PPA2: variants seen among roughly 807,000 people sequenced by gnomAD.
The protein encoded by PPA2 is inorganic pyrophosphatase 2.
In PPA2, 48 loss-of-function variants were observed where a neutral mutation model predicts 49.5. The ratio of observed to expected loss-of-function variants is 0.97; its 90% CI spans 0.77 to 1.23. The LOEUF is 1.23. Among genes scored for constraint, PPA2 ranks in the 50% most tolerant of loss-of-function variants. PPA2 has a pLI of 0.00. For missense variants in PPA2, 429 were observed against 410.1 expected (o/e 1.05, Z -0.40); for synonymous variants, 131 against 139.9 (o/e 0.94, Z 0.45).
rs200106526 is a variant in PPA2 at position 105,379,455 on chromosome 4, AGATAGATAGAT to A, written c.939+7101_939+7111del. Among the ~76,000 whole-genome samples, 494 of 103,210 alleles carry A rather than the reference AGATAGATAGAT, an allele frequency of 4.8e-3. 4 individuals carry two copies. Among genetic ancestry groups the A allele is most frequent in the East Asian group, 0.025 (67 of 2,700 alleles). 67.7% of individuals were successfully genotyped at this position (103,210 alleles called of 152,430 possible). ...TAGATAGATAGATAGATAGATAGAT[AGATAGATAGAT>A]ATCTCAAGCAACTATTTTTATATAC... is the stretch of plus-strand genomic sequence containing the variant. On this transcript the variant is annotated intron_variant, in intron 10 of 11. Transcript: ENST00000341695.
chr4:105,414,375 C>A (rs1241858337), intron 7 of PPA2, among the ~76,000 whole-genome samples: 1 of 152,196 alleles, frequency 6.6e-6, no homozygotes, highest in Non-Finnish European at 1.5e-5. Flanking sequence ...GAGTTTTGCT[C>A]GGCCCGCTGG....
chr4:105,408,302 T>C (rs1722580965), intron 7 of PPA2, among the ~76,000 whole-genome samples: 2 of 152,192 alleles, frequency 1.3e-5, no homozygotes, highest in African/African-American at 4.8e-5. Flanking sequence ...GCTCAGTGTG[T>C]TAAGAACTTT....
rs141541844 is a variant in PPA2 at position 105,377,407 on chromosome 4, A to G, written c.940-6534T>C. Among the ~76,000 whole-genome samples, 464 of 152,312 alleles carry G rather than the reference A, an allele frequency of 3.0e-3. 6 individuals are homozygous for G. The highest frequency in any genetic ancestry group is 0.011 in the African/African-American group (446 of 41,580). ...CACAACAGCCTGATAAGATACTATT[A>G]TTATAAGCCCCATTTTATAAATAAG... On this transcript the variant is annotated intron_variant, in intron 10 of 11. Coordinates refer to ENST00000341695, the MANE Select transcript of PPA2 (RefSeq NM_176869.3).
chr4:105,395,868 T>C (rs182487798), intron 9 of PPA2, among the ~76,000 whole-genome samples: 21 of 152,314 alleles, frequency 1.4e-4, no homozygotes, highest in Admixed American at 1.4e-3. Context: ...GTTACTTAAT[T>C]CCTCTTAATC....
intron 10 of PPA2, among the ~76,000 whole-genome samples, chr4:105,384,756 C>T (rs1158404126): frequency 6.6e-6 from 1 of 152,186 alleles, no homozygotes; most frequent in African/African-American, 2.4e-5. Flanking sequence ...TTATGGCCTA[C>T]AGCCCATTCT....
intron 9 of PPA2, among the ~76,000 whole-genome samples, chr4:105,393,107 T>A (rs1327012668): frequency 6.6e-6 from 1 of 152,090 alleles, no homozygotes; most frequent in South Asian, 2.1e-4. Flanking sequence ...TAACATGAAA[T>A]AGGAGACAAG....
intron 9 of PPA2, 55 bp from the exon 10 acceptor site, chr4:105,386,691 A>G: frequency 1.4e-6 from 2 of 1,468,330 alleles, no homozygotes; most frequent in Non-Finnish European, 9.4e-7. Flanking sequence ...AACAATTACC[A>G]AAAAAACCCC....
intron 7 of PPA2, among the ~76,000 whole-genome samples, chr4:105,408,702 T>C (rs929021622): frequency 1.1e-4 from 17 of 152,224 alleles, no homozygotes; most frequent in Non-Finnish European, 2.2e-4. Flanking sequence ...AATGGCAAAA[T>C]TCCAAGTACA....
intron 7 of PPA2, among the ~76,000 whole-genome samples, chr4:105,403,729 C>T (rs1316287351): frequency 6.6e-6 from 1 of 152,100 alleles, no homozygotes; most frequent in Non-Finnish European, 1.5e-5. Context: ...TGAAAACCTA[C>T]CATTTTATCT....
intron 1 of PPA2, among the ~76,000 whole-genome samples, chr4:105,472,414 A>G (rs1723559399): frequency 6.6e-6 from 1 of 152,244 alleles, no homozygotes; most frequent in African/African-American, 2.4e-5. Flanking sequence ...TGTCTAGCAC[A>G]CTTCATAAAT....
At chr4:105,469,676 T>A (rs1723443671) in intron 1 of PPA2, among the ~76,000 whole-genome samples, 1 of 152,246 alleles carries the variant, frequency 6.6e-6, no homozygotes, top group African/African-American at 2.4e-5. Flanking sequence ...ACACAATTCC[T>A]ATTTCACAGC....
chr4:105,413,690 T>C (rs1722868017), intron 7 of PPA2, among the ~76,000 whole-genome samples: 1 of 152,148 alleles, frequency 6.6e-6, no homozygotes, highest in Admixed American at 6.5e-5. Flanking sequence ...AGAAAATGAC[T>C]TTTTCTGTTC....
chr4:105,438,411 G>A (rs1345828962), intron 5 of PPA2, among the ~76,000 whole-genome samples: 2 of 152,142 alleles, frequency 1.3e-5, no homozygotes, highest in Non-Finnish European at 2.9e-5. Flanking sequence ...TGTGGCTTCC[G>A]TCATTCACCG....
At chr4:105,449,810 C>T (rs1297773600) in intron 3 of PPA2, among the ~76,000 whole-genome samples, 1 of 152,134 alleles carries the variant, frequency 6.6e-6, no homozygotes, top group African/African-American at 2.4e-5. Flanking sequence ...TCCCACTCAC[C>T]ACATGAGGTT....
intron 9 of PPA2, 146 bp downstream of exon 9, chr4:105,396,103 C>G (rs1375954931): frequency 4.4e-6 from 2 of 457,200 alleles, no homozygotes; most frequent in African/African-American, 4.0e-5. Context: ...TTAATAGTGC[C>G]CAACACTTAG....
intron 7 of PPA2, among the ~76,000 whole-genome samples, chr4:105,420,563 G>C (rs1001966484): frequency 6.6e-6 from 1 of 152,080 alleles, no homozygotes; most frequent in African/African-American, 2.4e-5. Flanking sequence ...AATTTCTCTC[G>C]TTTATCTGAC....
chr4:105,378,574 C>A (rs995446061), intron 10 of PPA2, among the ~76,000 whole-genome samples: 1 of 151,830 alleles, frequency 6.6e-6, no homozygotes, highest in African/African-American at 2.4e-5. Flanking sequence ...TTTTGTAGAA[C>A]AAAAATTTTT....
Position 105,384,579 on chromosome 4 carries a change from T to G in PPA2, c.939+1988A>C, listed in dbSNP as rs546567985. 3.3e-5 allele frequency among the ~76,000 whole-genome samples: 5 copies of G among 152,320 alleles called. No homozygotes were observed. The South Asian group carries it at 8.3e-4, about 25-fold the overall frequency. On this transcript the variant is annotated intron_variant, in intron 10 of 11. Coordinates refer to ENST00000341695, the MANE Select transcript of PPA2 (RefSeq NM_176869.3). ...TTAATCTGAGATTAGTGAGACAGAC[T>G]GCTTGTACAAAGATGAAAAGTTTTT...
chr4:105,450,852 C>G (rs536809277), intron 3 of PPA2, among the ~76,000 whole-genome samples: 12 of 152,210 alleles, frequency 7.9e-5, no homozygotes, highest in African/African-American at 2.9e-4. Flanking sequence ...CGTGATCCGC[C>G]CACCTCGGCC....
Sources: allele counts gnomAD v4.1 joint callset (sites outside exome capture counted in the v4.1 genomes callset), GRCh38; gene constraint gnomAD v4.1.1; transcripts MANE v1.5; gene names NCBI Gene and HGNC (gene_info 2026-07-23, HGNC 2026-07-21).